PHF24: variants seen among roughly 807,000 people sequenced by gnomAD.
The protein encoded by PHF24 is Galpha inhibitory interacting protein.
A neutral mutation model predicts 42.6 loss-of-function variants in PHF24; 25 were observed. That is an observed-to-expected ratio of 0.59 (90% CI 0.43 to 0.82). PHF24 has a LOEUF of 0.82. PHF24 is among the 40% of genes least tolerant of loss of function. The probability of loss-of-function intolerance (pLI) is 0.00; values close to 1 mark genes in which losing one functional copy is unlikely to be tolerated. For synonymous variants in PHF24, 185 were observed against 204.8 expected (o/e 0.90, Z 0.83); for missense variants, 470 against 538.1 (o/e 0.87, Z 1.25).
intron 1 of PHF24, among the ~76,000 whole-genome samples, chr9:34,959,259 G>A (rs1826506559): frequency 6.6e-6 from 1 of 152,204 alleles, no homozygotes; most frequent in Non-Finnish European, 1.5e-5. Flanking sequence ...GTCCTGGAGG[G>A]AAAGGCCTTT....
the PHF24 span, among the ~76,000 whole-genome samples, chr9:34,940,704 G>C: frequency 6.6e-6 from 1 of 152,214 alleles, no homozygotes; most frequent in Non-Finnish European, 1.5e-5. Context: ...TAATCATGCC[G>C]TTGGTAATCA....
At chr9:34,844,203 A>G in the PHF24 span, among the ~76,000 whole-genome samples, 1 of 152,018 alleles carries the variant, frequency 6.6e-6, no homozygotes, top group Non-Finnish European at 1.5e-5. Flanking sequence ...TAATGTAACT[A>G]AAGATTTGTC....
the PHF24 span, among the ~76,000 whole-genome samples, chr9:34,862,295 C>T: frequency 6.6e-5 from 10 of 152,252 alleles, no homozygotes; most frequent in South Asian, 2.1e-4. Context: ...TTGAGGGGCA[C>T]GTGACCTACT....
the PHF24 span, among the ~76,000 whole-genome samples, chr9:34,930,470 G>A: frequency 1.3e-5 from 2 of 152,208 alleles, no homozygotes; most frequent in African/African-American, 4.8e-5. Flanking sequence ...AATAAAGACA[G>A]TGCAGGACTT....
the PHF24 span, among the ~76,000 whole-genome samples, chr9:34,784,404 GTA>G: frequency 6.6e-6 from 1 of 152,148 alleles, no homozygotes; most frequent in Non-Finnish European, 1.5e-5. Flanking sequence ...ATTTTTAAAT[GTA>G]CTATGACCTT....
chr9:34,726,526 C>T, the PHF24 span: 30 of 1,551,742 alleles, frequency 1.9e-5, no homozygotes, highest in African/African-American at 5.5e-5. Flanking sequence ...GGTTGCTCTG[C>T]GTCATCTCCT....
the PHF24 span, among the ~76,000 whole-genome samples, chr9:34,800,313 A>T: frequency 6.6e-6 from 1 of 152,184 alleles, no homozygotes; most frequent in East Asian, 1.9e-4. Context: ...TTTAGAATGG[A>T]AAAAATCATA....
At chr9:34,692,167 C>T in the PHF24 span, among the ~76,000 whole-genome samples, 2 of 152,124 alleles carry the variant, frequency 1.3e-5, no homozygotes, top group Non-Finnish European at 2.9e-5. Flanking sequence ...GTCACCCAAA[C>T]CCTAGACCCT....
chr9:34,792,121 T>C, the PHF24 span, among the ~76,000 whole-genome samples: 1 of 152,212 alleles, frequency 6.6e-6, no homozygotes, highest in African/African-American at 2.4e-5. Context: ...TGACATATCA[T>C]TGAAGGTACA....
At chr9:34,856,559 C>T in the PHF24 span, among the ~76,000 whole-genome samples, 2 of 152,194 alleles carry the variant, frequency 1.3e-5, no homozygotes, top group African/African-American at 2.4e-5. Flanking sequence ...GCTGGGTGTG[C>T]ACTCCAGACC....
the PHF24 span, among the ~76,000 whole-genome samples, chr9:34,948,686 G>C: frequency 1.3e-5 from 2 of 152,094 alleles, no homozygotes; most frequent in Non-Finnish European, 2.9e-5. Context: ...TACACTTTAT[G>C]ATATTTGCAC....
chr9:34,710,199 C>A, the PHF24 span: 1 of 702,652 alleles, frequency 1.4e-6, no homozygotes, highest in South Asian at 1.9e-5. Flanking sequence ...TTAACTTATC[C>A]CCACTCCTTT....
the PHF24 span, among the ~76,000 whole-genome samples, chr9:34,930,253 G>A: frequency 1.3e-5 from 2 of 152,144 alleles, no homozygotes; most frequent in African/African-American, 4.8e-5. Flanking sequence ...CTCTTGTGTC[G>A]GGGATAACCT....
At chr9:34,880,131 T>C in the PHF24 span, among the ~76,000 whole-genome samples, 3 of 152,116 alleles carry the variant, frequency 2.0e-5, no homozygotes, top group African/African-American at 7.2e-5. Flanking sequence ...AATAAAATCC[T>C]TTACAGACAA....
the PHF24 span, among the ~76,000 whole-genome samples, chr9:34,879,452 GC>G: frequency 6.6e-6 from 1 of 152,118 alleles, no homozygotes; most frequent in African/African-American, 2.4e-5. Flanking sequence ...TCACAAAGAA[GC>G]TAAAAACCTT....
At chr9:34,816,056 T>C in the PHF24 span, among the ~76,000 whole-genome samples, 1 of 151,960 alleles carries the variant, frequency 6.6e-6, no homozygotes, top group East Asian at 1.9e-4. Flanking sequence ...ATAAATATTA[T>C]AACTGATAAG....
chr9:34,925,765 T>G, the PHF24 span, among the ~76,000 whole-genome samples: 422 of 152,302 alleles, frequency 2.8e-3, 3 homozygotes, highest in Non-Finnish European at 2.2e-3. Flanking sequence ...TTTGAATTCT[T>G]TTTTCTGGAA....
the PHF24 span, among the ~76,000 whole-genome samples, chr9:34,843,062 A>G: frequency 6.6e-6 from 1 of 152,192 alleles, no homozygotes; most frequent in African/African-American, 2.4e-5. Flanking sequence ...TAATTTTTAG[A>G]AACCAATTGA....
At chr9:34,909,954 A>G in the PHF24 span, among the ~76,000 whole-genome samples, 2 of 152,208 alleles carry the variant, frequency 1.3e-5, no homozygotes, top group Non-Finnish European at 2.9e-5. Flanking sequence ...GAGGTTTTTC[A>G]TCTTGCCTGA....
Sources: gnomAD v4.1 joint callset for allele counts (sites outside exome capture counted in the v4.1 genomes callset) on GRCh38, gnomAD v4.1.1 for gene constraint, MANE v1.5 for transcripts, NCBI Gene and HGNC (gene_info 2026-07-23, HGNC 2026-07-21) for gene names.